Variants in PCDHGA5 observed in about 807,000 individuals in gnomAD.
PCDHGA5 encodes the protein protocadherin gamma-A5.
A neutral mutation model predicts 56.7 loss-of-function variants in PCDHGA5; 36 were observed. The observed-to-expected ratio is 0.64, with a 90% CI of 0.49 to 0.84. The LOEUF is 0.84. Among genes scored for constraint, PCDHGA5 ranks in the 40% least tolerant of loss-of-function variants. The probability of loss-of-function intolerance (pLI) is 0.00; values close to 1 mark genes in which losing one functional copy is unlikely to be tolerated. For missense variants in PCDHGA5, 1,305 were observed against 1,201.5 expected, an observed-to-expected ratio of 1.09 and a Z score of -1.27; for synonymous variants, 563 against 520.2, an observed-to-expected ratio of 1.08 and a Z score of -1.12.
At chr5:141,374,865 T>C (rs759726307) in intron 1 of PCDHGA5, 2 of 1,613,676 alleles carry the variant, frequency 1.2e-6, no homozygotes, top group African/African-American at 1.3e-5. Flanking sequence ...GGCACACCAG[T>C]GTTGGCAGTG....
Position 141,476,110 on chromosome 5 carries a change from G to A in PCDHGA5, c.2422-18697G>A. ...GACCCCGCTGAGAGGAACTGCTTTT[G>A]AGTGAGATGGTCCCAGAGGCCTGGA... On this transcript the variant is annotated intron_variant, in intron 1 of 3. Transcript: ENST00000518069. The surrounding 1 kb of genome is among the most constrained non-coding windows in gnomAD (Gnocchi z 7.6). 1.9e-6 allele frequency: 3 copies of A among 1,589,382 alleles called. No homozygotes were observed. The highest frequency in any genetic ancestry group is 2.6e-6 in the Non-Finnish European group (3 of 1,170,364).
intron 1 of PCDHGA5, chr5:141,427,747 C>A (rs2097063869): frequency 1.6e-6 from 2 of 1,277,502 alleles, no homozygotes; most frequent in Non-Finnish European, 2.2e-6. Flanking sequence ...GTCTCCTACT[C>A]CATCGTTACC....
At chr5:141,411,982 A>T (rs2154543855) in intron 1 of PCDHGA5, 1 of 152,346 alleles carries the variant, frequency 6.6e-6, no homozygotes, top group East Asian at 1.9e-4. Context: ...AGAGTTCTAT[A>T]CTTGGAAGGC....
At chr5:141,379,214 T>A (rs1775449550) in intron 1 of PCDHGA5, 1 of 152,234 alleles carries the variant, frequency 6.6e-6, no homozygotes, top group Non-Finnish European at 1.5e-5. Flanking sequence ...CTGCTAAGAG[T>A]AATATGTGTT....
At chr5:141,415,043 T>G in intron 1 of PCDHGA5, 2 of 1,613,396 alleles carry the variant, frequency 1.2e-6, no homozygotes, top group Non-Finnish European at 1.7e-6. Flanking sequence ...CTCTTCGCGG[T>G]GGGGGAGCAC....
At position 141,419,312 on chromosome 5, in the gene PCDHGA5, G is replaced by C. The variant is rs35892780; in HGVS notation, c.2421+52561G>C. On this transcript the variant is annotated intron_variant, in intron 1 of 3. Transcript: ENST00000518069. ...CTCTGACCCAGACTTCGGGCTCAAC[G>C]GCCGTGTCTCCTACTCTCTCATTGC... 1.0e-3 allele frequency: 1,689 copies of C among 1,613,962 alleles called. 4 individuals are homozygous for C. Among genetic ancestry groups the C allele is most frequent in the Middle Eastern group, 5.3e-3 (32 of 6,062 alleles).
At position 141,365,529 on chromosome 5, in the gene PCDHGA5, A is replaced by C. The variant is rs376283711; in HGVS notation, c.1199A>C (p.Asn400Thr). ...TTTAAATTGGAGAAGTCAGTTGATA[A>C]TTACTATCACCTATTAACAACTAGG... is the stretch of plus-strand genomic sequence containing the variant. ...LPFKLEKSVDNYYHLLTTRDL... is the reference protein window; with the variant it reads ...LPFKLEKSVDTYYHLLTTRDL... The change falls in exon 1 of 4, where the codon AAT becomes ACT. Residue 400 changes from asparagine to threonine, a missense_variant. Transcript: ENST00000518069. 2 of 1,613,724 alleles carry C rather than the reference A, an allele frequency of 1.2e-6. No individual in the cohort carries two copies. The highest frequency in any genetic ancestry group is 1.7e-6 in the Non-Finnish European group (2 of 1,179,860).
chr5:141,419,085 C>T (rs759272094), intron 1 of PCDHGA5: 1 of 1,613,936 alleles, frequency 6.2e-7, no homozygotes, highest in Non-Finnish European at 8.5e-7. Flanking sequence ...ACAGATGAGG[C>T]CCTGGATCGG....
At position 141,491,222 on chromosome 5, in the gene PCDHGA5, C is replaced by A. The variant is rs1185734506; in HGVS notation, c.2422-3585C>A. 6.2e-7 allele frequency: 1 copy of A among 1,614,268 alleles called. No homozygotes were observed. Among genetic ancestry groups the A allele is most frequent in the East Asian group, 2.2e-5 (1 of 44,892 alleles). On this transcript the variant is annotated intron_variant, in intron 1 of 3. Transcript: ENST00000518069. This position sits in a 1 kb window ranked among gnomAD's most constrained non-coding sequence, Gnocchi z 6.9. Reference sequence around the variant, plus strand: ...GACCCTTCACTCTCCTCCACAGCCACAGTGCTGCTGGTTCTGGAGGATGAG... The same window carrying A: ...GACCCTTCACTCTCCTCCACAGCCAAAGTGCTGCTGGTTCTGGAGGATGAG...
intron 1 of PCDHGA5, among the ~76,000 whole-genome samples, chr5:141,455,808 A>G (rs2098832210): frequency 6.6e-6 from 1 of 152,050 alleles, no homozygotes; most frequent in Non-Finnish European, 1.5e-5. Flanking sequence ...TAAAAAATGA[A>G]AACTTCCCAA....
At position 141,477,166 on chromosome 5, in the gene PCDHGA5, G is replaced by A. The variant is rs753389305; in HGVS notation, c.2422-17641G>A. ...TTGTGGATGTGAATGACAACGCCCC[G>A]GAGATCACAGTCACCTCCGTGTACA... On this transcript the variant is annotated intron_variant, in intron 1 of 3. Transcript: ENST00000518069. This position sits in a 1 kb window ranked among gnomAD's most constrained non-coding sequence, Gnocchi z 4.9. 5.9e-5 allele frequency: 96 copies of A among 1,614,012 alleles called. 1 individual carries two copies. Among genetic ancestry groups the A allele is most frequent in the Non-Finnish European group, 7.9e-5 (93 of 1,180,030 alleles).
At chr5:141,414,640 G>A (rs1035735674) in intron 1 of PCDHGA5, 2 of 1,613,838 alleles carry the variant, frequency 1.2e-6, no homozygotes, top group Non-Finnish European at 1.7e-6. Flanking sequence ...CAAAGAGAAT[G>A]CCCAGATTAT....
chr5:141,431,012 G>A lies in PCDHGA5; in HGVS notation c.2422-63795G>A. On this transcript the variant is annotated intron_variant, in intron 1 of 3. Coordinates refer to ENST00000518069, the MANE Select transcript of PCDHGA5 (RefSeq NM_018918.3). This position sits in a 1 kb window ranked among gnomAD's most constrained non-coding sequence, Gnocchi z 4.8. The stretch of plus-strand genomic sequence containing the variant: ...CCTGAATCCGCGCAGCGGCAGCTTG[G>A]TCACGGCGGGCAGGATAGACCGGGA... 1 of 1,613,314 alleles carries A rather than the reference G, an allele frequency of 6.2e-7. No individual in the cohort carries two copies. Among genetic ancestry groups the A allele is most frequent in the South Asian group, 1.1e-5 (1 of 91,076 alleles).
At chr5:141,385,295 A>C (rs1422997974) in intron 1 of PCDHGA5, 1 of 1,613,146 alleles carries the variant, frequency 6.2e-7, no homozygotes, top group African/African-American at 1.3e-5. Context: ...GATTTTCAGG[A>C]ATGTAAAGAA....
Position 141,495,011 on chromosome 5 carries a change from G to A in PCDHGA5, c.2480+146G>A, listed in dbSNP as rs2099758277. On this transcript the variant is annotated intron_variant, in intron 2 of 3. Coordinates refer to ENST00000518069, the MANE Select transcript of PCDHGA5 (RefSeq NM_018918.3). ...CCAGGGAGGTCTTGGTGTGCGGGGG[G>A]CTGGCACACAGACCCCGGAAGGAAG... is the stretch of plus-strand genomic sequence containing the variant. 4.6e-6 allele frequency: 7 copies of A among 1,512,044 alleles called. No individual in the cohort carries two copies. In the East Asian group the frequency reaches 1.5e-4, roughly 32 times the overall value. 93.7% of individuals were successfully genotyped at this position (1,512,044 alleles called of 1,614,324 possible).
In PCDHGA5 at chr5:141,476,883, A is replaced by G. The variant is rs1266909654; in HGVS notation, c.2422-17924A>G. ...TTGTACCGGGCGCGCGTCCTGGAGG[A>G]TGCACCCTCCGGCACGCGCGTGGTA... On this transcript the variant is annotated intron_variant, in intron 1 of 3. Coordinates refer to ENST00000518069, the MANE Select transcript of PCDHGA5 (RefSeq NM_018918.3). This position sits in a 1 kb window ranked among gnomAD's most constrained non-coding sequence, Gnocchi z 7.6. 1 of 1,613,916 alleles carries G rather than the reference A, an allele frequency of 6.2e-7. No individual in the cohort carries two copies. The highest frequency in any genetic ancestry group is 8.5e-7 in the Non-Finnish European group (1 of 1,180,026).
intron 1 of PCDHGA5, chr5:141,388,782 A>C (rs1589071559): frequency 6.2e-7 from 1 of 1,613,784 alleles, no homozygotes; most frequent in South Asian, 1.1e-5. Flanking sequence ...CGGGGAAATT[A>C]CTGTTTTAAA....
rs778246278 is a variant in PCDHGA5 at position 141,491,522 on chromosome 5, A to C, written c.2422-3285A>C. The C allele has an allele frequency of 6.2e-6, 10 of 1,614,024 alleles. No individual in the cohort carries two copies. The highest frequency in any genetic ancestry group is 8.5e-6 in the Non-Finnish European group (10 of 1,180,002). ...TCGGACGGCACGCTCAAGTACATGGAGGTGACGCTGCGGCCCACAGACTCG... is the reference window on the plus strand; with the variant it reads ...TCGGACGGCACGCTCAAGTACATGGCGGTGACGCTGCGGCCCACAGACTCG... On this transcript the variant is annotated intron_variant, in intron 1 of 3. Coordinates refer to ENST00000518069, the MANE Select transcript of PCDHGA5 (RefSeq NM_018918.3). The surrounding 1 kb of genome is among the most constrained non-coding windows in gnomAD (Gnocchi z 6.9).
At chr5:141,388,860 A>T (rs781769294) in intron 1 of PCDHGA5, 2 of 1,613,902 alleles carry the variant, frequency 1.2e-6, no homozygotes, top group South Asian at 2.2e-5. Flanking sequence ...TGGAGGAATG[A>T]TTGCGCAATG....
Sources: allele counts gnomAD v4.1 joint callset (sites outside exome capture counted in the v4.1 genomes callset), GRCh38; gene constraint gnomAD v4.1.1; non-coding constraint Gnocchi (gnomAD v3.1); transcripts MANE v1.5; gene names NCBI Gene and HGNC (gene_info 2026-07-23, HGNC 2026-07-21).